CCDC91: variants seen among roughly 807,000 people sequenced by gnomAD.
CCDC91 encodes the protein coiled-coil domain containing 91.
Under a neutral mutation model 63.2 loss-of-function variants are expected in CCDC91, and 48 were observed. The ratio of observed to expected loss-of-function variants is 0.76; its 90% CI spans 0.60 to 0.97. The LOEUF (loss-of-function observed/expected upper bound fraction) is 0.97. Among genes scored for constraint, CCDC91 ranks in the 50% least tolerant of loss-of-function variants. The pLI is 0.00. For missense variants in CCDC91, 500 were observed against 494.6 expected (o/e 1.01, Z -0.10); for synonymous variants, 167 against 165.8 (o/e 1.01, Z -0.06).
intron 1 of CCDC91, chr12:28,199,087 T>A (rs1942007613): frequency 6.6e-6 from 1 of 152,142 alleles, no homozygotes; most frequent in African/African-American, 2.4e-5. Flanking sequence ...ATAATTTTTT[T>A]ATTTTTTGTA....
Position 28,241,186 on chromosome 12 carries a change from G to T in CCDC91, c.-14-16016G>T, listed in dbSNP as rs1295818464. 3.9e-5 allele frequency among the ~76,000 whole-genome samples: 6 copies of T among 152,166 alleles called. No homozygotes were observed. In the South Asian group the frequency reaches 6.2e-4, roughly 16 times the overall value. On this transcript the variant is annotated intron_variant, in intron 1 of 12. Coordinates refer to ENST00000536442, the MANE Select transcript of CCDC91 (RefSeq NM_018318.5). ...TATTTGCTTAGTTGCTATCCCCTTT[G>T]TATATCTTCTTTGGTGAATGTCTCT...
At chr12:28,484,739 A>G (rs1435433573) in intron 12 of CCDC91, among the ~76,000 whole-genome samples, 1 of 151,966 alleles carries the variant, frequency 6.6e-6, no homozygotes, top group Non-Finnish European at 1.5e-5. Flanking sequence ...TAATGGATCT[A>G]ACTTGATTTG....
intron 12 of CCDC91, among the ~76,000 whole-genome samples, chr12:28,504,047 G>A (rs1382508373): frequency 6.6e-6 from 1 of 151,682 alleles, no homozygotes; most frequent in Non-Finnish European, 1.5e-5. Context: ...TAACTAACCT[G>A]CACATTGTGC....
chr12:28,419,552 G>A (rs2139877610), intron 8 of CCDC91, among the ~76,000 whole-genome samples: 1 of 152,156 alleles, frequency 6.6e-6, no homozygotes, highest in Non-Finnish European at 1.5e-5. Context: ...GGCTACTTTT[G>A]TCTAAGTAGA....
chr12:28,449,158 T>C (rs1409983058), intron 8 of CCDC91, among the ~76,000 whole-genome samples: 2 of 152,056 alleles, frequency 1.3e-5, no homozygotes, highest in East Asian at 3.9e-4. Flanking sequence ...AAAGCAGGAA[T>C]AACAGATTAT....
At chr12:28,250,829 A>AT (rs1324756967) in intron 1 of CCDC91, among the ~76,000 whole-genome samples, 1 of 152,110 alleles carries the variant, frequency 6.6e-6, no homozygotes, top group African/African-American at 2.4e-5. Flanking sequence ...CAGATTTCTT[A>AT]TATAAACTTA....
At chr12:28,278,648 T>G (rs896702773) in intron 3 of CCDC91, among the ~76,000 whole-genome samples, 1 of 152,108 alleles carries the variant, frequency 6.6e-6, no homozygotes, top group Non-Finnish European at 1.5e-5. Flanking sequence ...ATGTTCCTTT[T>G]GAACTCTTTA....
chr12:28,542,428 C>T (rs538173623), intron 12 of CCDC91, among the ~76,000 whole-genome samples: 5 of 151,970 alleles, frequency 3.3e-5, no homozygotes, highest in Admixed American at 2.0e-4. Context: ...CATTTTTGAA[C>T]TATCTAAATA....
intron 1 of CCDC91, among the ~76,000 whole-genome samples, chr12:28,200,399 G>GTC (rs2121432284): frequency 6.8e-6 from 1 of 147,872 alleles, no homozygotes; most frequent in East Asian, 2.0e-4. Context: ...GTGAACAAAG[G>GTC]TCTCTGGTTT....
At chr12:28,414,693 C>G (rs11049579) in intron 8 of CCDC91, among the ~76,000 whole-genome samples, 33,167 of 152,012 alleles carry the variant, frequency 0.22, 4,352 homozygotes, top group Non-Finnish European at 0.3. Flanking sequence ...TAAAATATTC[C>G]TTGTATTCAT....
chr12:28,403,603 CCTCCTAATACCATGAACTTGGT>C (rs1946765035), intron 8 of CCDC91, among the ~76,000 whole-genome samples: 1 of 152,070 alleles, frequency 6.6e-6, no homozygotes, highest in African/African-American at 2.4e-5. Flanking sequence ...AAATGCCCCC[CCTCCTAATACCATGAACTTGGT>C]GGCTAGGATT....
rs1003174615 is a variant in CCDC91, at chr12:28,416,382, G to GA, written c.762+24980dup. Among the ~76,000 whole-genome samples the GA allele has an allele frequency of 1.8e-4, 27 of 150,556 alleles. 1 individual carries two copies. The highest frequency in any genetic ancestry group is 7.8e-4 in the East Asian group (4 of 5,130). ...ATATTGTATGGTGTGTACTGTTAGAGAAAAAAAAACTATTCTGACACTTTT... is the reference window on the plus strand; with the variant it reads ...ATATTGTATGGTGTGTACTGTTAGAGAAAAAAAAAACTATTCTGACACTTTT... On this transcript the variant is annotated intron_variant, in intron 8 of 12. Coordinates refer to ENST00000536442, the MANE Select transcript of CCDC91 (RefSeq NM_018318.5).
Position 28,511,864 on chromosome 12 carries a change from G to A in CCDC91, c.1215+27699G>A, listed in dbSNP as rs1939413470. ...GGAGCTTTGCTTGTTGCTGGCAGAT[G>A]AGCATGATTATCAGCCATGAGAAAA... On this transcript the variant is annotated intron_variant, in intron 12 of 12. Transcript: ENST00000536442. 2.0e-5 allele frequency among the ~76,000 whole-genome samples: 3 copies of A among 151,822 alleles called. No individual in the cohort carries two copies. In the South Asian group the frequency reaches 6.2e-4, roughly 31 times the overall value.
intron 8 of CCDC91, among the ~76,000 whole-genome samples, chr12:28,403,429 T>A (rs957347087): frequency 6.6e-6 from 1 of 152,134 alleles, no homozygotes; most frequent in African/African-American, 2.4e-5. Context: ...TTGGTGTCTG[T>A]TGAGGGCCTG....
intron 6 of CCDC91, among the ~76,000 whole-genome samples, chr12:28,311,759 G>T (rs1939350982): frequency 1.3e-5 from 2 of 151,632 alleles, no homozygotes; most frequent in South Asian, 4.2e-4. Context: ...GATGTTTATT[G>T]TCTAAAAGTT....
At chr12:28,524,193 C>G (rs1161810375) in intron 12 of CCDC91, among the ~76,000 whole-genome samples, 2 of 152,066 alleles carry the variant, frequency 1.3e-5, no homozygotes, top group African/African-American at 2.4e-5. Flanking sequence ...GCAGCCTTGT[C>G]TTGTTCCAGT....
At chr12:28,303,030 A>C (rs1938248901) in intron 3 of CCDC91, among the ~76,000 whole-genome samples, 1 of 152,114 alleles carries the variant, frequency 6.6e-6, no homozygotes, top group African/African-American at 2.4e-5. Context: ...TCAAAGTGTT[A>C]GGTAGAAATA....
At chr12:28,275,930 G>T (rs1170365709) in intron 3 of CCDC91, among the ~76,000 whole-genome samples, 15 of 151,964 alleles carry the variant, frequency 9.9e-5, no homozygotes, top group African/African-American at 3.6e-4. Flanking sequence ...AACCCTTCAT[G>T]CGAAAAACTC....
At chr12:28,530,288 T>C (rs1022853061) in intron 12 of CCDC91, among the ~76,000 whole-genome samples, 4 of 152,164 alleles carry the variant, frequency 2.6e-5, no homozygotes, top group Non-Finnish European at 5.9e-5. Flanking sequence ...AAACTCAAAC[T>C]AGCGTATGAG....
Sources: gnomAD v4.1 joint callset for allele counts (sites outside exome capture counted in the v4.1 genomes callset) on GRCh38, gnomAD v4.1.1 for gene constraint, MANE v1.5 for transcripts, NCBI Gene and HGNC (gene_info 2026-07-23, HGNC 2026-07-21) for gene names.